Variants in F8 observed in about 807,000 individuals in gnomAD.
F8 encodes coagulation factor VIII.
A neutral mutation model predicts 140.6 loss-of-function variants in F8; 12 were observed. The ratio of observed to expected loss-of-function variants is 0.09; its 90% CI spans 0.05 to 0.14. F8 has a LOEUF of 0.14. Ranked by LOEUF, F8 falls within the 10% of genes least tolerant of loss-of-function variation. The probability of loss-of-function intolerance (pLI) is 1.00; values close to 1 mark genes in which losing one functional copy is unlikely to be tolerated. For missense variants in F8, 1,354 were observed against 1,720.7 expected, an observed-to-expected ratio of 0.79 and a Z score of 3.77; for synonymous variants, 585 against 614.6, an observed-to-expected ratio of 0.95 and a Z score of 0.71.
intron 13 of F8, among the ~76,000 whole-genome samples, chrX:154,944,832 A>G (rs1340344826): frequency 8.9e-6 from 1 of 111,811 alleles, no homozygotes; most frequent in Non-Finnish European, 1.9e-5. Flanking sequence ...ATGGAATACT[A>G]TGCCGCCATA....
In F8 at chrX:154,930,270, C is replaced by T; in HGVS notation, c.3520G>A (p.Gly1174Ser). The change falls in exon 14 of 26, where the codon GGT becomes AGT. Residue 1174 changes from glycine to serine, a missense_variant. Coordinates refer to ENST00000360256, the MANE Select transcript of F8 (RefSeq NM_000132.4). ...AGTCCTACGTCCTTTGTAAATTCAC[C>T]CTTTCCTACTACCACTTTGTTTTTC... ...SEKNKVVVGK[G>S]EFTKDVGLKE... 8.3e-7 allele frequency: 1 copy of T among 1,211,006 alleles called. No individual in the cohort carries two copies.
intron 7 of F8, 36 bp from the exon 8 acceptor site, chrX:154,966,723 T>A: frequency 8.3e-7 from 1 of 1,201,688 alleles, no homozygotes; most frequent in Non-Finnish European, 1.1e-6. Flanking sequence ...TCAGAGTGTC[T>A]TGCTATATTA....
chrX:154,973,336 A>AT (rs1441689258), intron 6 of F8, among the ~76,000 whole-genome samples: 4 of 111,926 alleles, frequency 3.6e-5, no homozygotes, highest in Admixed American at 9.4e-5. Context: ...GCTCTTTGGG[A>AT]TTTTTTGTGG....
At chrX:154,994,094 G>A (rs2073603952) in intron 3 of F8, among the ~76,000 whole-genome samples, 2 of 111,964 alleles carry the variant, frequency 1.8e-5, no homozygotes, top group African/African-American at 6.5e-5. Context: ...TGAAGGAGGT[G>A]GAATTTGAGA....
rs371239250 is a variant in F8 at position 154,994,521 on chromosome X, CT to C, written c.389-1374del. Reference sequence around the variant, plus strand: ...AGTCTCTTTTAGTATGGAGTAGTCCCTTTTTTTCTGACACTCATTTGGTGAA... The same window carrying C: ...AGTCTCTTTTAGTATGGAGTAGTCCCTTTTTTCTGACACTCATTTGGTGAA... On this transcript the variant is annotated intron_variant, in intron 3 of 25. Coordinates refer to ENST00000360256, the MANE Select transcript of F8 (RefSeq NM_000132.4). Among the ~76,000 whole-genome samples the C allele has an allele frequency of 1.8e-3, 200 of 112,344 alleles. 1 individual carries two copies. The highest frequency in any genetic ancestry group is 6.0e-3 in the African/African-American group (186 of 30,967).
At chrX:154,900,870 C>T (rs782371101) in intron 20 of F8, among the ~76,000 whole-genome samples, 6 of 112,222 alleles carry the variant, frequency 5.3e-5, no homozygotes, top group Non-Finnish European at 9.4e-5. Context: ...GGCTTTATTA[C>T]GGATGCTGAA....
intron 25 of F8, among the ~76,000 whole-genome samples, chrX:154,840,914 A>G (rs1262135068): frequency 8.9e-6 from 1 of 112,175 alleles, no homozygotes; most frequent in African/African-American, 3.2e-5. Context: ...TGAGGTTTTC[A>G]AGGAAAGAGG....
chrX:154,869,952 T>C (rs782300174), intron 22 of F8, among the ~76,000 whole-genome samples: 46 of 111,614 alleles, frequency 4.1e-4, no homozygotes, highest in Non-Finnish European at 7.5e-4. Flanking sequence ...CTAGAAGAAA[T>C]AGATAAATTC....
At chrX:154,865,691 C>T (rs1313510542) in intron 22 of F8, among the ~76,000 whole-genome samples, 1 of 103,913 alleles carries the variant, frequency 9.6e-6, no homozygotes, top group Middle Eastern at 4.3e-3. Flanking sequence ...GGTAACCCCC[C>T]CGACCGCCCC....
chrX:154,999,603 G>A lies in F8; in HGVS notation c.144-3C>T. On this transcript the variant is annotated splice_polypyrimidine_tract_variant and splice_region_variant and intron_variant, in intron 1 of 25. Coordinates refer to ENST00000360256, the MANE Select transcript of F8 (RefSeq NM_000132.4). ...ATTTTGGCACTCTAGGAGGAAATCTGCGTGAAGAAAGGAAAAAGTCGTTCA... is the reference window on the plus strand; with the variant it reads ...ATTTTGGCACTCTAGGAGGAAATCTACGTGAAGAAAGGAAAAAGTCGTTCA... The A allele has an allele frequency of 8.3e-7, 1 of 1,203,434 alleles. No individual in the cohort carries two copies. Among genetic ancestry groups the A allele is most frequent in the Non-Finnish European group, 1.1e-6 (1 of 889,970 alleles).
chrX:154,839,441 C>CAA (rs1220793524), intron 25 of F8, among the ~76,000 whole-genome samples: 57 of 104,258 alleles, frequency 5.5e-4, no homozygotes, highest in Non-Finnish European at 8.5e-4. Flanking sequence ...CGGCTCACTG[C>CAA]AAGCTCCGCC....
At chrX:154,838,031 G>A (rs2072488914) in intron 25 of F8, among the ~76,000 whole-genome samples, 1 of 112,569 alleles carries the variant, frequency 8.9e-6, no homozygotes, top group Admixed American at 9.4e-5. Flanking sequence ...CACAGCATCT[G>A]TGTTGGACCA....
rs1467381354 is a variant in F8 at position 154,836,342 on chromosome X, T to C, written c.*1255A>G. On this transcript the variant is annotated 3_prime_UTR_variant, in exon 26 of 26. Transcript: ENST00000360256. Reference sequence around the variant, plus strand: ...TTTACTATCAGGAGATTCTGTGTAGTCATAGTGAAGGGGTCAGGCAGATGG... The same window carrying C: ...TTTACTATCAGGAGATTCTGTGTAGCCATAGTGAAGGGGTCAGGCAGATGG... The C allele has an allele frequency of 1.8e-5, 2 of 111,338 alleles. No individual in the cohort carries two copies. The highest frequency in any genetic ancestry group is 6.5e-5 in the African/African-American group (2 of 30,562). 9.2% of individuals were successfully genotyped at this position (111,338 alleles called of 1,213,427 possible).
Position 154,858,351 on chromosome X carries a change from AAC to A in F8, c.6900+2079_6900+2080del. On this transcript the variant is annotated intron_variant, in intron 25 of 25. Transcript: ENST00000360256. ...GCCCAATCTGCCAGCAGTAGAGACA[AAC>A]ACAGAGTCCTCAGTATGGCAGTATT... is the stretch of plus-strand genomic sequence containing the variant. 2.7e-5 allele frequency among the ~76,000 whole-genome samples: 3 copies of A among 112,438 alleles called. No individual in the cohort carries two copies. In the South Asian group the frequency reaches 1.1e-3, roughly 41 times the overall value.
At chrX:154,938,517 T>C (rs1189913655) in intron 13 of F8, among the ~76,000 whole-genome samples, 1 of 111,797 alleles carries the variant, frequency 8.9e-6, no homozygotes, top group Non-Finnish European at 1.9e-5. Flanking sequence ...AAAGAAAATA[T>C]AGAAGGATGG....
intron 2 of F8, among the ~76,000 whole-genome samples, chrX:154,998,143 G>A (rs1404997634): frequency 1.8e-5 from 2 of 112,538 alleles, no homozygotes; most frequent in African/African-American, 6.5e-5. Flanking sequence ...GTAACCTTCA[G>A]GTATTAACCA....
chrX:154,992,383 AT>A (rs2124140156), intron 4 of F8, among the ~76,000 whole-genome samples: 1 of 112,928 alleles, frequency 8.9e-6, no homozygotes, highest in Non-Finnish European at 1.9e-5. Flanking sequence ...TCCCTAATTT[AT>A]GCTAAGGTAT....
intron 4 of F8, among the ~76,000 whole-genome samples, chrX:154,992,505 T>G (rs2073593567): frequency 8.9e-6 from 1 of 112,346 alleles, no homozygotes; most frequent in African/African-American, 3.2e-5. Flanking sequence ...GATTTTTATA[T>G]ACTTTTGGTT....
intron 1 of F8, among the ~76,000 whole-genome samples, chrX:155,005,449 T>TG (rs782808829): frequency 1.5e-4 from 13 of 87,446 alleles, no homozygotes; most frequent in African/African-American, 5.8e-4. Flanking sequence ...GAGAGGGTGG[T>TG]GGGGGGAGGG....
Sources: gnomAD v4.1 joint callset for allele counts (sites outside exome capture counted in the v4.1 genomes callset) on GRCh38, gnomAD v4.1.1 for gene constraint, MANE v1.5 for transcripts, NCBI Gene and HGNC (gene_info 2026-07-23, HGNC 2026-07-21) for gene names.